The following PRSS23 variants were observed in gnomAD, a reference collection of about 807,000 sequenced individuals.
PRSS23 encodes the protein protease, serine 23.
Under a neutral mutation model 34.7 loss-of-function variants are expected in PRSS23, and 25 were observed. That is an observed-to-expected ratio of 0.72 (90% confidence interval 0.53 to 1.01). The LOEUF is 1.01. PRSS23 is among the 50% of genes least tolerant of loss of function. The probability of loss-of-function intolerance (pLI) is 0.00; values close to 1 mark genes in which losing one functional copy is unlikely to be tolerated. For missense variants in PRSS23, 445 were observed against 475.6 expected (o/e 0.94, Z 0.60); for synonymous variants, 176 against 186.6 (o/e 0.94, Z 0.46).
chr11:86,907,066 C>T (rs1218402664), intron 2 of PRSS23, among the ~76,000 whole-genome samples: 2 of 152,138 alleles, frequency 1.3e-5, no homozygotes, highest in African/African-American at 4.8e-5. Context: ...TTGTGTACAT[C>T]CAGGGGACAG....
At chr11:86,844,837 C>T (rs1948474574) in intron 2 of PRSS23, among the ~76,000 whole-genome samples, 2 of 152,172 alleles carry the variant, frequency 1.3e-5, no homozygotes, top group Non-Finnish European at 2.9e-5. Context: ...TGCCTGTAAT[C>T]CCAGCACTTT....
Position 86,929,335 on chromosome 11 carries a change from C to CAA in PRSS23, c.207-21871_207-21870dup, listed in dbSNP as rs1190134043. On this transcript the variant is annotated intron_variant, in intron 2 of 2. Coordinates refer to the PRSS23 transcript ENST00000533902. ...GAAACTCCGTCTCAAAAAAAAAAAA[C>CAA]AAAAAAAAAAACCCCACAAACTCAA... Among the ~76,000 whole-genome samples, 495 of 133,108 alleles carry CAA rather than the reference C, an allele frequency of 3.7e-3. 3 individuals carry two copies. Among genetic ancestry groups the CAA allele is most frequent in the African/African-American group, 0.013 (476 of 36,144 alleles). The allele number at this position is 133,108 out of a possible 152,430, so 87.3% of individuals were successfully genotyped here. A position where few individuals can be genotyped will look rare whatever the true frequency, so the allele number is the denominator to read the frequency against.
intron 2 of PRSS23, among the ~76,000 whole-genome samples, chr11:86,850,788 T>C (rs1948523183): frequency 6.6e-6 from 1 of 152,234 alleles, no homozygotes; most frequent in Non-Finnish European, 1.5e-5. Context: ...GCCATGCTGC[T>C]ACAAAGTCAT....
chr11:86,863,436 C>T (rs375065003), intron 2 of PRSS23, among the ~76,000 whole-genome samples: 9 of 152,228 alleles, frequency 5.9e-5, no homozygotes, highest in African/African-American at 2.2e-4. Context: ...GCCCCAGGTG[C>T]TCATAAGTGC....
intron 2 of PRSS23, among the ~76,000 whole-genome samples, chr11:86,850,570 T>C (rs113013043): frequency 1.4e-4 from 22 of 152,312 alleles, no homozygotes; most frequent in African/African-American, 4.8e-4. Context: ...CACCAGGATC[T>C]GTGCATGTGT....
chr11:86,844,872 C>T (rs1948474839), intron 2 of PRSS23, among the ~76,000 whole-genome samples: 1 of 152,116 alleles, frequency 6.6e-6, no homozygotes, highest in African/African-American at 2.4e-5. Flanking sequence ...GGCAGATCAC[C>T]TGAGGTCAGG....
At chr11:86,879,810 G>A (rs1291322290) in intron 2 of PRSS23, among the ~76,000 whole-genome samples, 1 of 92,684 alleles carries the variant, frequency 1.1e-5, no homozygotes, top group African/African-American at 4.5e-5. Flanking sequence ...CGCCCCGTCC[G>A]GGAGGGAGGT....
intron 2 of PRSS23, among the ~76,000 whole-genome samples, chr11:86,876,417 C>T (rs1948724388): frequency 6.6e-6 from 1 of 152,206 alleles, no homozygotes; most frequent in South Asian, 2.1e-4. Context: ...GCCTCAGTTT[C>T]CTCATCTGTT....
At chr11:86,859,702 A>AC (rs1014573241) in intron 2 of PRSS23, among the ~76,000 whole-genome samples, 39 of 151,216 alleles carry the variant, frequency 2.6e-4, no homozygotes, top group East Asian at 1.4e-3. Context: ...GAAAGTGTAC[A>AC]CCCCCCCTTC....
At chr11:86,836,534 A>G (rs950452778) in intron 2 of PRSS23, among the ~76,000 whole-genome samples, 1 of 152,192 alleles carries the variant, frequency 6.6e-6, no homozygotes, top group Non-Finnish European at 1.5e-5. Context: ...ATCTCTCCCT[A>G]ACAAGGGAGT....
intron 1 of PRSS23, among the ~76,000 whole-genome samples, chr11:86,806,899 A>G (rs1331628233): frequency 1.3e-5 from 2 of 152,252 alleles, no homozygotes; most frequent in Non-Finnish European, 2.9e-5. Context: ...ATATTGACAA[A>G]GATCCTGGTA....
intron 1 of PRSS23, among the ~76,000 whole-genome samples, chr11:86,803,635 T>C (rs898589043): frequency 6.6e-6 from 1 of 152,164 alleles, no homozygotes; most frequent in Non-Finnish European, 1.5e-5. Flanking sequence ...AGACCCTTAA[T>C]GGACAGGAGG....
At chr11:86,904,508 C>A (rs1948929984) in intron 2 of PRSS23, among the ~76,000 whole-genome samples, 1 of 152,116 alleles carries the variant, frequency 6.6e-6, no homozygotes. Flanking sequence ...AGTGCCTTTC[C>A]CAGGAAGCCT....
chr11:86,909,470 C>T (rs79225237), intron 2 of PRSS23: 1 of 152,282 alleles, frequency 6.6e-6, no homozygotes, highest in Non-Finnish European at 1.5e-5. Context: ...TGGCTCTCAT[C>T]TAGTTCAACT....
intron 2 of PRSS23, among the ~76,000 whole-genome samples, chr11:86,861,416 T>C (rs1273883107): frequency 6.6e-6 from 1 of 151,992 alleles, no homozygotes; most frequent in Non-Finnish European, 1.5e-5. Flanking sequence ...TTACTCCCCA[T>C]ATCGCAGGGG....
chr11:86,892,082 A>G (rs2134973746), intron 2 of PRSS23: 1 of 152,412 alleles, frequency 6.6e-6, no homozygotes, highest in Non-Finnish European at 1.5e-5. Context: ...CTTGTCCAAG[A>G]GACAAGACCC....
At chr11:86,894,525 T>C (rs1433628624) in intron 2 of PRSS23, among the ~76,000 whole-genome samples, 1 of 152,174 alleles carries the variant, frequency 6.6e-6, no homozygotes, top group Admixed American at 6.5e-5. Context: ...GAGTAAGTAT[T>C]CTAGAACTCC....
chr11:86,913,403 T>G (rs532354625), intron 2 of PRSS23, among the ~76,000 whole-genome samples: 1 of 150,996 alleles, frequency 6.6e-6, no homozygotes, highest in Admixed American at 6.6e-5. Flanking sequence ...TATTGGTGTT[T>G]TTTTTTTTTT....
intron 2 of PRSS23, among the ~76,000 whole-genome samples, chr11:86,841,916 T>C (rs972242146): frequency 1.3e-5 from 2 of 152,144 alleles, no homozygotes; most frequent in Non-Finnish European, 1.5e-5. Context: ...GAGAGAATCC[T>C]CCCTAACTCA....
Sources: allele counts gnomAD v4.1 joint callset (sites outside exome capture counted in the v4.1 genomes callset), GRCh38; gene constraint gnomAD v4.1.1; transcripts MANE v1.5; gene names NCBI Gene and HGNC (gene_info 2026-07-23, HGNC 2026-07-21).